DLG2: variants seen among roughly 807,000 people sequenced by gnomAD.
DLG2 encodes discs large MAGUK scaffold protein 2.
A neutral mutation model predicts 132.5 loss-of-function variants in DLG2; 45 were observed. The observed-to-expected ratio is 0.34, with a 90% CI of 0.27 to 0.44. DLG2 has a LOEUF of 0.44. Among genes scored for constraint, DLG2 ranks in the 20% least tolerant of loss-of-function variants. The probability of loss-of-function intolerance (pLI) is 1.00; values close to 1 mark genes in which losing one functional copy is unlikely to be tolerated. For synonymous variants in DLG2, 424 were observed against 419.6 expected, an observed-to-expected ratio of 1.01 and a Z score of -0.13; for missense variants, 1,045 against 1,196.9, an observed-to-expected ratio of 0.87 and a Z score of 1.87.
chr11:84,292,816 G>C lies in DLG2; in HGVS notation c.520-41525C>G, dbSNP rs540371983. Among the ~76,000 whole-genome samples, 3 of 152,050 alleles carry C rather than the reference G, an allele frequency of 2.0e-5. No homozygotes were observed. In the South Asian group the frequency reaches 6.2e-4, roughly 32 times the overall value. ...GATAAATTAGATGTAAAGGCAGGGG[G>C]GTCCAATCCTTGGCTTCCCTGGGCC... On this transcript the variant is annotated intron_variant, in intron 7 of 27. Coordinates refer to ENST00000376104, the MANE Select transcript of DLG2 (RefSeq NM_001142699.3).
intron 6 of DLG2, among the ~76,000 whole-genome samples, chr11:84,698,157 T>A (rs2058817128): frequency 6.6e-6 from 1 of 151,454 alleles, no homozygotes; most frequent in African/African-American, 2.4e-5. Flanking sequence ...CCTTTGCTGA[T>A]AAGTCATTAA....
At chr11:84,825,566 T>C (rs1293794945) in intron 6 of DLG2, among the ~76,000 whole-genome samples, 2 of 151,946 alleles carry the variant, frequency 1.3e-5, no homozygotes, top group African/African-American at 4.8e-5. Context: ...TTTATATTGC[T>C]ATTTCTCTTC....
chr11:85,493,758 GAGAA>G (rs1480330679), intron 3 of DLG2, among the ~76,000 whole-genome samples: 3 of 141,348 alleles, frequency 2.1e-5, no homozygotes, highest in East Asian at 2.2e-4. Flanking sequence ...AAGAGAGACA[GAGAA>G]AGAGAGAGGG....
chr11:84,693,762 T>C (rs1487681649), intron 6 of DLG2, among the ~76,000 whole-genome samples: 2 of 151,656 alleles, frequency 1.3e-5, no homozygotes, highest in African/African-American at 4.8e-5. Context: ...TGGGTCTTTG[T>C]AGTATTTTTC....
chr11:85,470,061 A>C (rs1248543481), intron 3 of DLG2, among the ~76,000 whole-genome samples: 1 of 151,564 alleles, frequency 6.6e-6, no homozygotes, highest in Non-Finnish European at 1.5e-5. Flanking sequence ...CTATCCATCC[A>C]CACTGTTCCT....
At chr11:83,976,620 A>T (rs754766622) in intron 12 of DLG2, among the ~76,000 whole-genome samples, 1 of 151,870 alleles carries the variant, frequency 6.6e-6, no homozygotes, top group Non-Finnish European at 1.5e-5. Flanking sequence ...TCTCCTTTTC[A>T]GGGTTATTTT....
intron 9 of DLG2, among the ~76,000 whole-genome samples, chr11:84,123,593 C>A (rs2094025092): frequency 6.6e-6 from 1 of 152,076 alleles, no homozygotes; most frequent in Non-Finnish European, 1.5e-5. Flanking sequence ...ACATTCAATC[C>A]AACTCTGTAG....
At chr11:84,731,107 G>A (rs1429375461) in intron 6 of DLG2, among the ~76,000 whole-genome samples, 2 of 151,976 alleles carry the variant, frequency 1.3e-5, no homozygotes, top group Non-Finnish European at 2.9e-5. Flanking sequence ...ATGAATGCTG[G>A]TGCTTTCTTC....
chr11:84,208,341 CTTTTT>C (rs775828270), intron 8 of DLG2, among the ~76,000 whole-genome samples: 2 of 122,776 alleles, frequency 1.6e-5, no homozygotes. Context: ...TCAGAATAAA[CTTTTT>C]TTTTTTTTTT....
intron 14 of DLG2, among the ~76,000 whole-genome samples, chr11:83,942,264 A>G (rs915338400): frequency 6.6e-6 from 1 of 152,218 alleles, no homozygotes; most frequent in African/African-American, 2.4e-5. Flanking sequence ...GTAGGCATTA[A>G]AAACTTTCCT....
At chr11:84,164,874 C>T (rs117163261) in intron 8 of DLG2, among the ~76,000 whole-genome samples, 72 of 152,206 alleles carry the variant, frequency 4.7e-4, no homozygotes, top group Non-Finnish European at 9.7e-4. Context: ...TCAAACAGCC[C>T]TAAACTAAAT....
intron 20 of DLG2, 47 bp from the exon 21 acceptor site, chr11:83,532,830 A>G: frequency 6.6e-7 from 1 of 1,517,458 alleles, no homozygotes; most frequent in Non-Finnish European, 9.1e-7. Context: ...CAAGGCATTT[A>G]TGACTAAGTT....
intron 7 of DLG2, among the ~76,000 whole-genome samples, chr11:84,519,756 A>G (rs948568474): frequency 1.3e-5 from 2 of 152,232 alleles, no homozygotes; most frequent in African/African-American, 4.8e-5. Context: ...ACTGTGGGAC[A>G]GAAAAATAGG....
intron 6 of DLG2, among the ~76,000 whole-genome samples, chr11:85,050,877 G>A (rs2062820864): frequency 6.6e-6 from 1 of 151,996 alleles, no homozygotes; most frequent in Non-Finnish European, 1.5e-5. Context: ...CTCAGTCTCT[G>A]TTTGCTCTGC....
At chr11:84,732,380 C>G (rs2063263005) in intron 6 of DLG2, among the ~76,000 whole-genome samples, 1 of 151,930 alleles carries the variant, frequency 6.6e-6, no homozygotes, top group South Asian at 2.1e-4. Flanking sequence ...ACATTCCCAC[C>G]AGCAATGTAT....
At chr11:84,778,411 G>A (rs751585033) in intron 6 of DLG2, among the ~76,000 whole-genome samples, 31 of 151,968 alleles carry the variant, frequency 2.0e-4, no homozygotes, top group Non-Finnish European at 4.0e-4. Flanking sequence ...TGTTCTTCTT[G>A]CTTAAGACGT....
intron 6 of DLG2, among the ~76,000 whole-genome samples, chr11:84,948,646 T>C (rs1009438984): frequency 2.6e-5 from 4 of 152,224 alleles, no homozygotes; most frequent in Admixed American, 1.3e-4. Context: ...AAACACCTTG[T>C]TTTAAATCCG....
chr11:85,164,392 C>T (rs964902230), intron 4 of DLG2, among the ~76,000 whole-genome samples: 4 of 152,122 alleles, frequency 2.6e-5, no homozygotes, highest in Non-Finnish European at 4.4e-5. Flanking sequence ...ACCTTCCTAC[C>T]TCATACCAGA....
At chr11:84,028,473 T>A (rs2095601954) in intron 11 of DLG2, among the ~76,000 whole-genome samples, 1 of 140,880 alleles carries the variant, frequency 7.1e-6, no homozygotes, top group Non-Finnish European at 1.6e-5. Context: ...CCTTGAACCA[T>A]GAAATAATTT....
Sources: gnomAD v4.1 joint callset for allele counts (sites outside exome capture counted in the v4.1 genomes callset) on GRCh38, gnomAD v4.1.1 for gene constraint, MANE v1.5 for transcripts, NCBI Gene and HGNC (gene_info 2026-07-23, HGNC 2026-07-21) for gene names.